The following P4HA2 variants were observed in gnomAD, a reference collection of about 807,000 sequenced individuals.
P4HA2 encodes the protein prolyl 4-hydroxylase subunit alpha-2.
P4HA2 carries 46 observed loss-of-function variants against 76.9 expected under a neutral mutation model. That is an observed-to-expected ratio of 0.60 (90% CI 0.47 to 0.76). The LOEUF (loss-of-function observed/expected upper bound fraction) is 0.76, where lower values mean the gene tolerates loss of function less well. Among genes scored for constraint, P4HA2 ranks in the 30% least tolerant of loss-of-function variants. The pLI, the probability that P4HA2 is intolerant of heterozygous loss-of-function variation, is 0.00. For missense variants in P4HA2, 583 were observed against 669.4 expected, an observed-to-expected ratio of 0.87 and a Z score of 1.42; for synonymous variants, 243 against 254.0, an observed-to-expected ratio of 0.96 and a Z score of 0.41.
intron 12 of P4HA2, among the ~76,000 whole-genome samples, chr5:132,196,599 G>A (rs892771329): frequency 6.6e-6 from 1 of 152,134 alleles, no homozygotes; most frequent in African/African-American, 2.4e-5. Context: ...GGTGGCTCAC[G>A]CCTGTAATGC....
intron 1 of P4HA2, among the ~76,000 whole-genome samples, chr5:132,223,047 G>T (rs1033563898): frequency 1.3e-5 from 2 of 152,208 alleles, no homozygotes; most frequent in Admixed American, 6.5e-5. Flanking sequence ...CCATCTCCCA[G>T]GTCCCAGGGT....
intron 5 of P4HA2, 98 bp from the exon 6 acceptor site, chr5:132,210,621 C>A: frequency 8.6e-7 from 1 of 1,159,178 alleles, no homozygotes; most frequent in South Asian, 1.3e-5. Flanking sequence ...GGATAGGGGG[C>A]ATCACCAAGC....
At chr5:132,193,483 C>T (rs1328067750) in intron 14 of P4HA2, 1 of 152,852 alleles carries the variant, frequency 6.5e-6, no homozygotes, top group African/African-American at 2.4e-5. Flanking sequence ...AGAAGATGGG[C>T]ATACCCAGAT....
rs1038457867 is a variant in P4HA2 at position 132,192,256 on chromosome 5, C to G, written c.*754G>C. Reference sequence around the variant, plus strand: ...GTTCTCTTTTCTAACTTGGTGTTGACACAGGTGCTCCTGCTCACCTTCATA... The same window carrying G: ...GTTCTCTTTTCTAACTTGGTGTTGAGACAGGTGCTCCTGCTCACCTTCATA... On this transcript the variant is annotated 3_prime_UTR_variant, in exon 15 of 15. Transcript: ENST00000360568. 6.6e-5 allele frequency: 10 copies of G among 152,184 alleles called. No individual in the cohort carries two copies. The highest frequency in any genetic ancestry group is 2.4e-4 in the African/African-American group (10 of 41,440). 9.4% of individuals were successfully genotyped at this position (152,184 alleles called of 1,614,324 possible).
intron 4 of P4HA2, 31 bp downstream of exon 4, chr5:132,217,166 C>T (rs1441032163): frequency 1.2e-6 from 2 of 1,605,470 alleles, no homozygotes; most frequent in Non-Finnish European, 8.5e-7. Flanking sequence ...AACATATGGG[C>T]TCACTCAAGC....
chr5:132,200,346 A>G (rs1271229036), intron 10 of P4HA2: 2 of 153,528 alleles, frequency 1.3e-5, no homozygotes, highest in Middle Eastern at 3.2e-3. Flanking sequence ...GCATGGATGA[A>G]AACATGTTGT....
intron 12 of P4HA2, chr5:132,195,836 C>T: frequency 3.1e-6 from 1 of 321,610 alleles, no homozygotes; most frequent in Non-Finnish European, 6.0e-6. Flanking sequence ...AGCCACTGTA[C>T]TCTGCAAAGT....
At position 132,220,444 on chromosome 5, in the gene P4HA2, T is replaced by C. The variant is rs947993898; in HGVS notation, c.-18-1800A>G. ...TGACTGCTCCTCAGAGCTGGGGTGG[T>C]GGGAGAACAGGGCCCAGGCAGGTTC... On this transcript the variant is annotated intron_variant, in intron 1 of 14. Transcript: ENST00000360568. Among the ~76,000 whole-genome samples the C allele has an allele frequency of 4.6e-5, 7 of 152,274 alleles. No homozygotes were observed. The East Asian group carries it at 1.2e-3, about 25-fold the overall frequency.
chr5:132,201,031 T>A (rs1183706767), intron 10 of P4HA2: 1 of 152,248 alleles, frequency 6.6e-6, no homozygotes, highest in Admixed American at 6.5e-5. Flanking sequence ...GCTCACGCCT[T>A]TAATAACAAG....
chr5:132,200,080 T>C (rs1202108913), intron 10 of P4HA2: 1 of 152,424 alleles, frequency 6.6e-6, no homozygotes, highest in Non-Finnish European at 1.5e-5. Context: ...CGTGCACCTG[T>C]AGTCCCAGCT....
intron 1 of P4HA2, among the ~76,000 whole-genome samples, chr5:132,224,179 C>A (rs1168264976): frequency 1.3e-5 from 2 of 152,216 alleles, no homozygotes; most frequent in Non-Finnish European, 1.5e-5. Flanking sequence ...CAGCTCAGGG[C>A]AAGGCAGTAC....
rs777053255 is a variant in P4HA2, at chr5:132,213,941, G to A, written c.444C>T (p.Gly148=). The A allele has an allele frequency of 1.2e-6, 2 of 1,614,134 alleles. No homozygotes were observed. The highest frequency in any genetic ancestry group is 1.7e-6 in the Non-Finnish European group (2 of 1,179,976). The change falls in exon 5 of 15, where the codon GGC becomes GGT. Residue 148 remains glycine, a synonymous_variant. Transcript: ENST00000360568. The part of the protein sequence containing the change: ...RLQDTYRLDP[G]TISRGELPGT... Reference sequence around the variant, plus strand: ...CTGGAAGTTCCCCTCTGGAAATTGTGCCTGGGTCCAGCCTGTATGTGTCCT... The same window carrying A: ...CTGGAAGTTCCCCTCTGGAAATTGTACCTGGGTCCAGCCTGTATGTGTCCT...
intron 2 of P4HA2, 104 bp downstream of exon 2, chr5:132,218,441 G>A (rs1006317845): frequency 5.4e-6 from 4 of 741,390 alleles, no homozygotes; most frequent in African/African-American, 3.5e-5. Flanking sequence ...GCCAAAACCA[G>A]TAGTTAAGGC....
intron 5 of P4HA2, among the ~76,000 whole-genome samples, chr5:132,211,796 C>A (rs1236393669): frequency 6.6e-6 from 1 of 152,184 alleles, no homozygotes; most frequent in Non-Finnish European, 1.5e-5. Flanking sequence ...TGACTATAGA[C>A]AAGTTACCAT....
At chr5:132,198,800 G>T in intron 11 of P4HA2, 79 bp downstream of exon 11, 1 of 1,009,108 alleles carries the variant, frequency 9.9e-7, no homozygotes, top group Non-Finnish European at 1.6e-6. Context: ...TGTGGAGGCT[G>T]AAATGCTCCT....
chr5:132,206,459 C>G (rs1272507977), intron 8 of P4HA2, among the ~76,000 whole-genome samples: 1 of 152,180 alleles, frequency 6.6e-6, no homozygotes, highest in Non-Finnish European at 1.5e-5. Context: ...TATTTCAGGT[C>G]TCTCCATGAG....
rs113823725 is a variant in P4HA2, at chr5:132,227,808, C to G, written c.-37G>C. 52,818 of 152,236 alleles carry G rather than the reference C, an allele frequency of 0.35. 10,256 individuals carry two copies. The highest frequency in any genetic ancestry group is 0.45 in the Non-Finnish European group (30,330 of 68,020). 9.4% of individuals were successfully genotyped at this position (152,236 alleles called of 1,614,324 possible). A position where few individuals can be genotyped will look rare whatever the true frequency, so the allele number is the denominator to read the frequency against. On this transcript the variant is annotated 5_prime_UTR_variant, in exon 1 of 15. Coordinates refer to ENST00000360568, the MANE Select transcript of P4HA2 (RefSeq NM_001017974.2). The stretch of plus-strand genomic sequence containing the variant: ...CGCTCACCTGGACACTCGCAGCTCC[C>G]GGCGTTTCCAGAACCTCCCGCGGCG...
chr5:132,199,396 C>T, intron 10 of P4HA2: 1 of 158,858 alleles, frequency 6.3e-6, no homozygotes, highest in Admixed American at 6.3e-5. Context: ...GTTCCTACCA[C>T]CTCTGCTATT....
intron 5 of P4HA2, among the ~76,000 whole-genome samples, chr5:132,211,902 TC>T (rs1177693784): frequency 1.3e-5 from 2 of 152,210 alleles, no homozygotes; most frequent in Admixed American, 1.3e-4. Context: ...TATGAAGATG[TC>T]TCCTATGCTC....
Sources: gnomAD v4.1 joint callset for allele counts (sites outside exome capture counted in the v4.1 genomes callset) on GRCh38, gnomAD v4.1.1 for gene constraint, MANE v1.5 for transcripts, NCBI Gene and HGNC (gene_info 2026-07-23, HGNC 2026-07-21) for gene names.